FBXW2: variants seen among roughly 807,000 people sequenced by gnomAD.
The protein encoded by FBXW2 is F-box and WD repeat domain containing 2.
Under a neutral mutation model 46.0 loss-of-function variants are expected in FBXW2, and 12 were observed. The observed-to-expected ratio is 0.26, with a 90% CI of 0.17 to 0.42. The LOEUF is 0.42. Among genes scored for constraint, FBXW2 ranks in the 10% least tolerant of loss-of-function variants. The pLI is 1.00. For synonymous variants in FBXW2, 203 were observed against 209.6 expected (o/e 0.97, Z 0.27); for missense variants, 360 against 537.0 (o/e 0.67, Z 3.26).
At chr9:120,786,635 A>T (rs555982477) in intron 3 of FBXW2, among the ~76,000 whole-genome samples, 104 of 152,370 alleles carry the variant, frequency 6.8e-4, no homozygotes, top group African/African-American at 2.4e-3. Context: ...CGTAATACAC[A>T]AATGTTTATT....
chr9:120,773,246 A>G (rs962259382), intron 5 of FBXW2, among the ~76,000 whole-genome samples: 1 of 152,184 alleles, frequency 6.6e-6, no homozygotes, highest in Admixed American at 6.5e-5. Context: ...ATTCGTCTAG[A>G]AGCAAACATT....
Position 120,764,317 on chromosome 9 carries a change from A to G in FBXW2, c.*242T>C, listed in dbSNP as rs2044236520. On this transcript the variant is annotated 3_prime_UTR_variant, in exon 8 of 8. Coordinates refer to ENST00000608872, the MANE Select transcript of FBXW2 (RefSeq NM_012164.4). ...AATGCATCCTCTAACACTGACCAAC[A>G]TAACTAAGTACAAATGAAGTCAATG... The G allele has an allele frequency of 7.8e-6, 4 of 514,104 alleles. No homozygotes were observed. In the South Asian group the frequency reaches 1.5e-4, roughly 19 times the overall value. 31.8% of individuals were successfully genotyped at this position (514,104 alleles called of 1,614,324 possible). A position where few individuals can be genotyped will look rare whatever the true frequency, so the allele number is the denominator to read the frequency against.
At chr9:120,768,322 C>T (rs2044310879) in intron 7 of FBXW2, among the ~76,000 whole-genome samples, 1 of 152,214 alleles carries the variant, frequency 6.6e-6, no homozygotes, top group African/African-American at 2.4e-5. Flanking sequence ...TTAACCCAAC[C>T]ATTAAACAAC....
Position 120,757,019 on chromosome 9 carries a change from A to C in FBXW2, c.*7540T>G, listed in dbSNP as rs2131246101. On this transcript the variant is annotated 3_prime_UTR_variant, in exon 8 of 8. Transcript: ENST00000608872. ...TAAATCAGTGATAATTAGATTAGTGAAATTTTATTTATAGCCATAATTCAT... is the reference window on the plus strand; with the variant it reads ...TAAATCAGTGATAATTAGATTAGTGCAATTTTATTTATAGCCATAATTCAT... 6.6e-6 allele frequency: 1 copy of C among 152,332 alleles called. No homozygotes were observed. The highest frequency in any genetic ancestry group is 6.5e-5 in the Admixed American group (1 of 15,302). The allele number at this position is 152,332 out of a possible 1,614,324, so 9.4% of individuals were successfully genotyped here.
intron 3 of FBXW2, among the ~76,000 whole-genome samples, chr9:120,783,230 A>T (rs575784820): frequency 3.9e-5 from 6 of 152,268 alleles, no homozygotes; most frequent in Admixed American, 3.9e-4. Flanking sequence ...ATAGTGATGC[A>T]AGTCTACTCC....
chr9:120,792,378 A>T (rs992015265), intron 2 of FBXW2: 2 of 152,298 alleles, frequency 1.3e-5, no homozygotes, highest in African/African-American at 4.8e-5. Flanking sequence ...AGGCGCTGAA[A>T]ATGTATACAC....
rs1251519723 is a variant in FBXW2, at chr9:120,757,373, C to A, written c.*7186G>T. 6.6e-6 allele frequency: 1 copy of A among 152,156 alleles called. No homozygotes were observed. Among genetic ancestry groups the A allele is most frequent in the Non-Finnish European group, 1.5e-5 (1 of 68,024 alleles). 9.4% of individuals were successfully genotyped at this position (152,156 alleles called of 1,614,324 possible). A position where few individuals can be genotyped will look rare whatever the true frequency, so the allele number is the denominator to read the frequency against. On this transcript the variant is annotated 3_prime_UTR_variant, in exon 8 of 8. Coordinates refer to ENST00000608872, the MANE Select transcript of FBXW2 (RefSeq NM_012164.4). ...TAACAGAAAATACTAAGAAAAAATTCCACTGCTTTTGCGAGTAAGTCTTCT... is the reference window on the plus strand; with the variant it reads ...TAACAGAAAATACTAAGAAAAAATTACACTGCTTTTGCGAGTAAGTCTTCT...
chr9:120,782,039 A>AG (rs71266572), intron 3 of FBXW2, among the ~76,000 whole-genome samples: 28 of 151,532 alleles, frequency 1.8e-4, no homozygotes, highest in Non-Finnish European at 3.2e-4. Flanking sequence ...AAAAAAAAAA[A>AG]GAATAAAATT....
chr9:120,783,889 C>T (rs2044666926), intron 3 of FBXW2, among the ~76,000 whole-genome samples: 1 of 152,202 alleles, frequency 6.6e-6, no homozygotes, highest in Admixed American at 6.5e-5. Flanking sequence ...CTATTGCTTA[C>T]TCAAGGCACT....
rs186185031 is a variant in FBXW2, at chr9:120,761,462, C to G, written c.*3097G>C. 76 of 152,254 alleles carry G rather than the reference C, an allele frequency of 5.0e-4. 1 individual carries two copies. The highest frequency in any genetic ancestry group is 1.7e-3 in the African/African-American group (69 of 41,532). The allele number at this position is 152,254 out of a possible 1,614,324, so 9.4% of individuals were successfully genotyped here. On this transcript the variant is annotated 3_prime_UTR_variant, in exon 8 of 8. Coordinates refer to ENST00000608872, the MANE Select transcript of FBXW2 (RefSeq NM_012164.4). Reference sequence around the variant, plus strand: ...GGGAAAGGCAATTCCCTTACCTATGCGCTAAGGAAGCCAAAGTCAGTGTGT... The same window carrying G: ...GGGAAAGGCAATTCCCTTACCTATGGGCTAAGGAAGCCAAAGTCAGTGTGT...
Position 120,760,888 on chromosome 9 carries a change from TC to T in FBXW2, c.*3670del, listed in dbSNP as rs1436614216. 7.9e-5 allele frequency: 12 copies of T among 152,252 alleles called. No individual in the cohort carries two copies. Among genetic ancestry groups the T allele is most frequent in the African/African-American group, 2.4e-5 (1 of 41,470 alleles). The allele number at this position is 152,252 out of a possible 1,614,324, so 9.4% of individuals were successfully genotyped here. ...TACAAATAGAGAGCAGTAATCATTT[TC>T]CTATGAATACTAGAATGATTATATA... is the stretch of plus-strand genomic sequence containing the variant. On this transcript the variant is annotated 3_prime_UTR_variant, in exon 8 of 8. Transcript: ENST00000608872.
chr9:120,757,874 C>T lies in FBXW2; in HGVS notation c.*6685G>A, dbSNP rs116557414. On this transcript the variant is annotated 3_prime_UTR_variant, in exon 8 of 8. Coordinates refer to ENST00000608872, the MANE Select transcript of FBXW2 (RefSeq NM_012164.4). The stretch of plus-strand genomic sequence containing the variant: ...TTTACAGGATATGGCAGAAGAGGGA[C>T]GTCTAAGAGAGGAAAAGCTGTGTGG... 9.8e-4 allele frequency: 149 copies of T among 152,236 alleles called. 3 individuals are homozygous for T. The highest frequency in any genetic ancestry group is 3.3e-3 in the African/African-American group (139 of 41,546). 9.4% of individuals were successfully genotyped at this position (152,236 alleles called of 1,614,324 possible).
intron 7 of FBXW2, among the ~76,000 whole-genome samples, chr9:120,765,634 C>G (rs2044263059): frequency 6.6e-6 from 1 of 152,102 alleles, no homozygotes; most frequent in African/African-American, 2.4e-5. Flanking sequence ...CACCCTGAAG[C>G]CCAGAAGAAA....
rs571763107 is a variant in FBXW2 at position 120,764,110 on chromosome 9, T to C, written c.*449A>G. ...GCTCTTATAAGAGCTAAACCCCGTG[T>C]GAGGAAAGTTGCTGTAACAACATCA... is the stretch of plus-strand genomic sequence containing the variant. On this transcript the variant is annotated 3_prime_UTR_variant, in exon 8 of 8. Coordinates refer to ENST00000608872, the MANE Select transcript of FBXW2 (RefSeq NM_012164.4). 1 of 314,008 alleles carries C rather than the reference T, an allele frequency of 3.2e-6. No individual in the cohort carries two copies. Among genetic ancestry groups the C allele is most frequent in the South Asian group, 1.6e-4 (1 of 6,386 alleles). The allele number at this position is 314,008 out of a possible 1,614,324, so 19.5% of individuals were successfully genotyped here.
Position 120,771,535 on chromosome 9 carries a change from T to C in FBXW2, c.907-18A>G. The C allele has an allele frequency of 6.3e-7, 1 of 1,598,574 alleles. No individual in the cohort carries two copies. The highest frequency in any genetic ancestry group is 8.5e-7 in the Non-Finnish European group (1 of 1,172,838). Reference sequence around the variant, plus strand: ...GGCCAAATCTACAGAAAAAAGAAAATGAGGAAAGATGAGAGATCACATCAC... The same window carrying C: ...GGCCAAATCTACAGAAAAAAGAAAACGAGGAAAGATGAGAGATCACATCAC... On this transcript the variant is annotated intron_variant, in intron 6 of 7. Coordinates refer to ENST00000608872, the MANE Select transcript of FBXW2 (RefSeq NM_012164.4).
In FBXW2 at chr9:120,793,245, G is replaced by T. The variant is rs1191236894; in HGVS notation, c.-117C>A. The T allele has an allele frequency of 8.2e-6, 4 of 487,932 alleles. No homozygotes were observed. Among genetic ancestry groups the T allele is most frequent in the Non-Finnish European group, 1.4e-5 (4 of 277,638 alleles). 30.2% of individuals were successfully genotyped at this position (487,932 alleles called of 1,614,324 possible). On this transcript the variant is annotated 5_prime_UTR_variant, in exon 2 of 8. Coordinates refer to ENST00000608872, the MANE Select transcript of FBXW2 (RefSeq NM_012164.4). ...GCCTTGCAGCGGCCGGGTCCGCTCCGCAGCCATGGCGCCTGCAGGGAAAGA... is the reference window on the plus strand; with the variant it reads ...GCCTTGCAGCGGCCGGGTCCGCTCCTCAGCCATGGCGCCTGCAGGGAAAGA...
At chr9:120,768,360 G>A (rs954980867) in intron 7 of FBXW2, among the ~76,000 whole-genome samples, 3 of 152,206 alleles carry the variant, frequency 2.0e-5, no homozygotes, top group Non-Finnish European at 4.4e-5. Flanking sequence ...TTTAACATCA[G>A]TCTTCCCCAT....
intron 3 of FBXW2, 50 bp downstream of exon 3, chr9:120,787,718 AC>A (rs1466570546): frequency 6.5e-7 from 1 of 1,538,924 alleles, no homozygotes; most frequent in Admixed American, 2.0e-5. Context: ...TCAAGATTAC[AC>A]CCTATGAAAT....
At chr9:120,768,842 C>T (rs944521541) in intron 7 of FBXW2, among the ~76,000 whole-genome samples, 33 of 150,150 alleles carry the variant, frequency 2.2e-4, no homozygotes, top group African/African-American at 5.9e-4. Context: ...AAAATAAAAA[C>T]GAAAAAAAAA....
Sources: allele counts gnomAD v4.1 joint callset (sites outside exome capture counted in the v4.1 genomes callset), GRCh38; gene constraint gnomAD v4.1.1; transcripts MANE v1.5; gene names NCBI Gene and HGNC (gene_info 2026-07-23, HGNC 2026-07-21).